DYNC2H1: variants seen among roughly 807,000 people sequenced by gnomAD.
The protein encoded by DYNC2H1 is dynein cytoplasmic 2 heavy chain 1.
A neutral mutation model predicts 570.0 loss-of-function variants in DYNC2H1; 410 were observed. The ratio of observed to expected loss-of-function variants is 0.72; its 90% CI spans 0.66 to 0.78. The LOEUF (loss-of-function observed/expected upper bound fraction) is 0.78, where lower values mean the gene tolerates loss of function less well. DYNC2H1 is among the 30% of genes least tolerant of loss of function. The pLI is 0.00. For missense variants in DYNC2H1, 4,865 were observed against 5,046.4 expected (o/e 0.96, Z 1.09); for synonymous variants, 1,688 against 1,677.6 (o/e 1.01, Z -0.15).
intron 83 of DYNC2H1, among the ~76,000 whole-genome samples, chr11:103,394,746 G>A (rs1274371297): frequency 3.3e-5 from 5 of 152,026 alleles, no homozygotes; most frequent in African/African-American, 4.8e-5. Context: ...AAAAGTAATT[G>A]CGATGTGGAT....
intron 1 of DYNC2H1, among the ~76,000 whole-genome samples, chr11:103,111,831 G>C (rs1174050090): frequency 6.6e-6 from 1 of 152,120 alleles, no homozygotes; most frequent in Non-Finnish European, 1.5e-5. Flanking sequence ...TTGCCTGATA[G>C]TTAGCGTGAT....
intron 5 of DYNC2H1, among the ~76,000 whole-genome samples, chr11:103,117,253 A>C (rs1244612917): frequency 6.8e-6 from 1 of 146,806 alleles, no homozygotes; most frequent in Non-Finnish European, 1.5e-5. Flanking sequence ...TTTAATATAT[A>C]TATTTTATAT....
chr11:103,202,862 G>A (rs1306031008), intron 50 of DYNC2H1, among the ~76,000 whole-genome samples: 1 of 152,090 alleles, frequency 6.6e-6, no homozygotes, highest in Non-Finnish European at 1.5e-5. Flanking sequence ...ATGTGCTCCA[G>A]GCCCTCTATC....
intron 59 of DYNC2H1, among the ~76,000 whole-genome samples, chr11:103,227,421 T>G (rs1301373761): frequency 6.6e-6 from 1 of 152,120 alleles, no homozygotes; most frequent in African/African-American, 2.4e-5. Context: ...CAACTTCCAT[T>G]TTGATTTCAT....
chr11:103,459,754 C>T (rs907175601), intron 87 of DYNC2H1, among the ~76,000 whole-genome samples: 6 of 151,458 alleles, frequency 4.0e-5, no homozygotes, highest in South Asian at 4.2e-4. Context: ...AGATCGAGAC[C>T]ATCCTGGCTA....
In DYNC2H1 at chr11:103,186,210, G is replaced by A. The variant is rs1362728682; in HGVS notation, c.6634-32G>A. 6.3e-7 allele frequency: 1 copy of A among 1,591,612 alleles called. No homozygotes were observed. Among genetic ancestry groups the A allele is most frequent in the Non-Finnish European group, 8.6e-7 (1 of 1,167,200 alleles). On this transcript the variant is annotated intron_variant, in intron 41 of 88. Coordinates refer to ENST00000375735, the MANE Select transcript of DYNC2H1 (RefSeq NM_001377.3). This position sits in a 1 kb window ranked among gnomAD's most constrained non-coding sequence, Gnocchi z 4.5. ...TAAAATGTCACACACTCTGGAGTAT[G>A]TGAAAACTTATCACAATTTTTTCCT...
At chr11:103,340,174 G>A (rs1939373107) in intron 82 of DYNC2H1, among the ~76,000 whole-genome samples, 1 of 152,130 alleles carries the variant, frequency 6.6e-6, no homozygotes, top group African/African-American at 2.4e-5. Context: ...GTGTTTTCTT[G>A]TGTTGATAGT....
chr11:103,152,181 C>G lies in DYNC2H1; in HGVS notation c.2992C>G (p.Arg998Gly), dbSNP rs756008276. ...AGCTGAAGACAAAAACAGACTTTTA[C>G]GAACTGTGGCTGGTGGAGGTTTAGA... The part of the protein sequence containing the change: ...QEAEDKNRLL[R>G]TVAGGGLETI... The change falls in exon 21 of 89, where the codon CGA becomes GGA. Residue 998 changes from arginine to glycine, a missense_variant. This residue lies in a region of DYNC2H1 where 1,936 missense variants were observed against 1,962.1 expected (regional missense o/e 0.99). Coordinates refer to ENST00000375735, the MANE Select transcript of DYNC2H1 (RefSeq NM_001377.3). The G allele has an allele frequency of 3.1e-6, 5 of 1,603,148 alleles. No individual in the cohort carries two copies. Among genetic ancestry groups the G allele is most frequent in the Middle Eastern group, 1.7e-4 (1 of 5,964 alleles).
chr11:103,172,494 G>T lies in DYNC2H1; in HGVS notation c.5335-588G>T, dbSNP rs904198847. Among the ~76,000 whole-genome samples, 4 of 151,662 alleles carry T rather than the reference G, an allele frequency of 2.6e-5. No individual in the cohort carries two copies. In the South Asian group the frequency reaches 6.2e-4, roughly 24 times the overall value. On this transcript the variant is annotated intron_variant, in intron 34 of 88. Coordinates refer to ENST00000375735, the MANE Select transcript of DYNC2H1 (RefSeq NM_001377.3). ...CTTTCCTTTGTAGCTAGATTTCTTG[G>T]TTTTTCTACTCTAGATGCTTCTACT...
intron 88 of DYNC2H1, chr11:103,473,983 C>T (rs1405464778): frequency 6.4e-6 from 1 of 156,090 alleles, no homozygotes; most frequent in African/African-American, 2.4e-5. Flanking sequence ...GTTAAAATAT[C>T]ACATATATCA....
intron 82 of DYNC2H1, among the ~76,000 whole-genome samples, chr11:103,335,286 T>C (rs757201170): frequency 1.3e-5 from 2 of 152,084 alleles, no homozygotes; most frequent in Non-Finnish European, 2.9e-5. Context: ...AAACATATAT[T>C]TCTAACCTCT....
rs1862032866 is a variant in DYNC2H1 at position 103,185,609 on chromosome 11, A to AT, written c.6633+562dup. ...CTAACATTAACAGCTTTTTTTTCTC[A>AT]TTTTGCTGCTTCTTTGATAGTGTCA... On this transcript the variant is annotated intron_variant, in intron 41 of 88. Transcript: ENST00000375735. The surrounding 1 kb of genome is among the most constrained non-coding windows in gnomAD (Gnocchi z 4.5). Among the ~76,000 whole-genome samples, 2 of 150,312 alleles carry AT rather than the reference A, an allele frequency of 1.3e-5. No individual in the cohort carries two copies.
chr11:103,386,892 G>C (rs1184805600), intron 83 of DYNC2H1, among the ~76,000 whole-genome samples: 2 of 151,238 alleles, frequency 1.3e-5, no homozygotes, highest in African/African-American at 4.8e-5. Flanking sequence ...TCTTAATCCA[G>C]TCTATCGTTG....
At chr11:103,253,984 C>A (rs894454590) in intron 66 of DYNC2H1, among the ~76,000 whole-genome samples, 1 of 151,908 alleles carries the variant, frequency 6.6e-6, no homozygotes, top group East Asian at 1.9e-4. Flanking sequence ...TCATTTTTTC[C>A]CCTTTAAAGA....
At chr11:103,148,249 G>T (rs563459045) in intron 19 of DYNC2H1, among the ~76,000 whole-genome samples, 191 of 152,204 alleles carry the variant, frequency 1.3e-3, no homozygotes, top group Middle Eastern at 3.4e-3. Flanking sequence ...ATGCAGTAAT[G>T]CATTTTAAGC....
In DYNC2H1 at chr11:103,152,144, CT is replaced by C; in HGVS notation, c.2957del (p.Leu986TyrfsTer20). ...LQERKPEILP[L>X]FQEAEDKNRL... Reference sequence around the variant, plus strand: ...TTTTTTTTAACCTTTAGATTTTGCCCTTATTTCAAGAAGCTGAAGACAAAAA... The same window carrying C: ...TTTTTTTTAACCTTTAGATTTTGCCCTATTTCAAGAAGCTGAAGACAAAAA... On this transcript the variant is annotated frameshift_variant, in exon 21 of 89. Coordinates refer to ENST00000375735, the MANE Select transcript of DYNC2H1 (RefSeq NM_001377.3). LOFTEE classifies it high-confidence loss of function. The C allele has an allele frequency of 6.3e-7, 1 of 1,594,150 alleles. No individual in the cohort carries two copies. Among genetic ancestry groups the C allele is most frequent in the Non-Finnish European group, 8.5e-7 (1 of 1,172,250 alleles).
At chr11:103,182,019 T>C in intron 40 of DYNC2H1, 133 bp downstream of exon 40, 1 of 837,710 alleles carries the variant, frequency 1.2e-6, no homozygotes, top group African/African-American at 1.7e-5. Flanking sequence ...TTGTCACTGC[T>C]ACTCCTCTGT....
At chr11:103,139,886 A>T (rs1859806944) in intron 17 of DYNC2H1, among the ~76,000 whole-genome samples, 2 of 151,918 alleles carry the variant, frequency 1.3e-5, no homozygotes, top group African/African-American at 4.8e-5. Flanking sequence ...TTGCTTTATG[A>T]ATCTGGGTGC....
At chr11:103,459,660 G>C in intron 87 of DYNC2H1, among the ~76,000 whole-genome samples, 1 of 152,112 alleles carries the variant, frequency 6.6e-6, no homozygotes, top group East Asian at 2.0e-4. Context: ...CTCACTTAAA[G>C]CTGAAGGAGT....
Sources: allele counts gnomAD v4.1 joint callset (sites outside exome capture counted in the v4.1 genomes callset), GRCh38; gene constraint gnomAD v4.1.1; regional missense constraint gnomAD v4.1.1; non-coding constraint Gnocchi (gnomAD v3.1); transcripts MANE v1.5; gene names NCBI Gene and HGNC (gene_info 2026-07-23, HGNC 2026-07-21).